Variants in ELF2 observed in about 807,000 individuals in gnomAD.
The protein encoded by ELF2 is E74 like ETS transcription factor 2, also known as ETS-related transcription factor Elf-2.
A neutral mutation model predicts 54.8 loss-of-function variants in ELF2; 11 were observed. The observed-to-expected ratio is 0.20, with a 90% CI of 0.13 to 0.33. The LOEUF (loss-of-function observed/expected upper bound fraction) is 0.33, where lower values mean the gene tolerates loss of function less well. ELF2 is among the 10% of genes least tolerant of loss of function. The probability of loss-of-function intolerance (pLI) is 1.00; values close to 1 mark genes in which losing one functional copy is unlikely to be tolerated. For synonymous variants in ELF2, 203 were observed against 245.1 expected (o/e 0.83, Z 1.61); for missense variants, 513 against 703.0 (o/e 0.73, Z 3.06).
At chr4:139,095,261 T>C (rs1386125724) in intron 4 of ELF2, among the ~76,000 whole-genome samples, 1 of 151,718 alleles carries the variant, frequency 6.6e-6, no homozygotes, top group Non-Finnish European at 1.5e-5. Context: ...CTCAGCTCAC[T>C]GCAACCTCCA....
At chr4:139,173,811 G>A (rs563313873) in intron 1 of ELF2, among the ~76,000 whole-genome samples, 1 of 150,754 alleles carries the variant, frequency 6.6e-6, no homozygotes, top group Admixed American at 6.6e-5. Flanking sequence ...AAAAGGATCA[G>A]GTGCAGTGGC....
intron 1 of ELF2, among the ~76,000 whole-genome samples, chr4:139,163,469 A>G (rs1038543573): frequency 1.3e-5 from 2 of 152,202 alleles, no homozygotes; most frequent in African/African-American, 4.8e-5. Context: ...TTTCACAATG[A>G]TAAGGAAAAA....
At chr4:139,065,104 T>C (rs947192170) in intron 7 of ELF2, among the ~76,000 whole-genome samples, 11 of 152,204 alleles carry the variant, frequency 7.2e-5, no homozygotes, top group African/African-American at 2.2e-4. Flanking sequence ...TTGTATAACA[T>C]AGACAATGCC....
intron 3 of ELF2, among the ~76,000 whole-genome samples, chr4:139,126,983 C>A (rs1410165757): frequency 2.0e-5 from 3 of 152,138 alleles, no homozygotes; most frequent in African/African-American, 4.8e-5. Context: ...GGCAACCAGT[C>A]CAAAATATAG....
At position 139,067,775 on chromosome 4, in the gene ELF2, A is replaced by G; in HGVS notation, c.527-5T>C. 6.3e-7 allele frequency: 1 copy of G among 1,576,382 alleles called. No individual in the cohort carries two copies. Among genetic ancestry groups the G allele is most frequent in the Non-Finnish European group, 8.6e-7 (1 of 1,156,422 alleles). ...GGGTCTTTGGTTTACGGCCAACTGAAAAAATAAGATATTGAAACCATACGT... is the reference window on the plus strand; with the variant it reads ...GGGTCTTTGGTTTACGGCCAACTGAGAAAATAAGATATTGAAACCATACGT... On this transcript the variant is annotated splice_polypyrimidine_tract_variant and splice_region_variant and intron_variant, in intron 6 of 9. Coordinates refer to ENST00000686138, the MANE Select transcript of ELF2 (RefSeq NM_001331036.3).
At chr4:139,121,330 G>C (rs112411777) in intron 4 of ELF2, among the ~76,000 whole-genome samples, 2,322 of 151,230 alleles carry the variant, frequency 0.015, 57 homozygotes, top group African/African-American at 0.052. Flanking sequence ...GGATGGTCTC[G>C]ATCTCCTGAC....
intron 3 of ELF2, among the ~76,000 whole-genome samples, chr4:139,132,278 T>C (rs1269266619): frequency 1.3e-5 from 2 of 152,240 alleles, no homozygotes; most frequent in Non-Finnish European, 2.9e-5. Flanking sequence ...AATATAAAAC[T>C]TGTGGAAGAA....
In ELF2 at chr4:139,059,220, C is replaced by T. The variant is rs1727454234; in HGVS notation, c.1545G>A (p.Gln515=). Residue 515 remains glutamine (Q), a synonymous_variant, in exon 10 of 10, where the codon CAG becomes CAA. Coordinates refer to ENST00000686138, the MANE Select transcript of ELF2 (RefSeq NM_001331036.3). ...GAGGAGGAGTCTGGCCAGATGCCTG[C>T]TGAGTAGGCATTGATAGTCTCATTA... ...TPVMRLSMPT[Q]QASGQTPPRV... is the part of the protein sequence containing the mutation. The T allele has an allele frequency of 6.2e-7, 1 of 1,613,800 alleles. No homozygotes were observed. Among genetic ancestry groups the T allele is most frequent in the Admixed American group, 1.7e-5 (1 of 59,982 alleles).
At position 139,085,225 on chromosome 4, in the gene ELF2, TGAC is replaced by T. The variant is rs528359567; in HGVS notation, c.239-11661_239-11659del. Reference sequence around the variant, plus strand: ...AACACAGGAAATCAAACCAATATAATGACGAATAACGCTTCATTAAAATGCTTC... The same window carrying T: ...AACACAGGAAATCAAACCAATATAATGAATAACGCTTCATTAAAATGCTTC... On this transcript the variant is annotated intron_variant, in intron 4 of 9. Coordinates refer to ENST00000686138, the MANE Select transcript of ELF2 (RefSeq NM_001331036.3). 2.6e-3 allele frequency among the ~76,000 whole-genome samples: 398 copies of T among 152,328 alleles called. 1 individual carries two copies. Among genetic ancestry groups the T allele is most frequent in the African/African-American group, 9.1e-3 (378 of 41,572 alleles).
intron 1 of ELF2, among the ~76,000 whole-genome samples, chr4:139,140,482 G>A (rs148644876): frequency 1.3e-5 from 2 of 152,308 alleles, no homozygotes; most frequent in African/African-American, 4.8e-5. Context: ...GGCTGGGCAA[G>A]GTGGCTCAGG....
intron 6 of ELF2, among the ~76,000 whole-genome samples, chr4:139,068,211 G>A (rs1009245862): frequency 7.2e-5 from 11 of 152,060 alleles, no homozygotes; most frequent in Admixed American, 1.3e-4. Context: ...TAGTAGAGAC[G>A]GGGTTTCACC....
chr4:139,092,414 T>TAACATAACAAAACAAACATAACATA (rs70940488), intron 4 of ELF2, among the ~76,000 whole-genome samples: 2 of 87,762 alleles, frequency 2.3e-5, no homozygotes, highest in African/African-American at 8.6e-5. Flanking sequence ...TAACATAACA[T>TAACATAACAAAACAAACATAACATA]ACATAACATA....
chr4:139,066,009 C>CTTTTTTTTTTTT (rs372715360), intron 7 of ELF2: 2 of 105,710 alleles, frequency 1.9e-5, no homozygotes, highest in African/African-American at 7.3e-5. Flanking sequence ...TCAATGTCAC[C>CTTTTTTTTTTTT]TTTTTTTTTT....
chr4:139,073,331 T>C (rs548633801), intron 5 of ELF2, 123 bp downstream of exon 5: 119 of 511,244 alleles, frequency 2.3e-4, no homozygotes, highest in African/African-American at 1.9e-3. Flanking sequence ...CTGTCATGTA[T>C]TCATGTGTAA....
intron 4 of ELF2, among the ~76,000 whole-genome samples, chr4:139,112,686 CTG>C (rs1364504307): frequency 6.6e-6 from 1 of 152,072 alleles, no homozygotes; most frequent in Non-Finnish European, 1.5e-5. Flanking sequence ...TTTAGATACA[CTG>C]TTGTATAGCA....
intron 1 of ELF2, among the ~76,000 whole-genome samples, chr4:139,147,189 A>C (rs1014195145): frequency 6.6e-6 from 1 of 152,218 alleles, no homozygotes; most frequent in Non-Finnish European, 1.5e-5. Flanking sequence ...ACAAATCAGC[A>C]AGAAAAAAAA....
In ELF2 at chr4:139,070,416, G is replaced by A. The variant is rs912834278; in HGVS notation, c.526+1450C>T. On this transcript the variant is annotated intron_variant, in intron 6 of 9. Transcript: ENST00000686138. ...AGCGATTCTCCTGCCTCAGCCTCCC[G>A]AAAAGCTGGGACTACAGGCATGCAA... is the stretch of plus-strand genomic sequence containing the variant. Among the ~76,000 whole-genome samples, 35 of 151,758 alleles carry A rather than the reference G, an allele frequency of 2.3e-4. 1 individual carries two copies. The highest frequency in any genetic ancestry group is 1.3e-3 in the Admixed American group (20 of 15,208).
chr4:139,064,929 T>C (rs1578668915), intron 7 of ELF2, among the ~76,000 whole-genome samples: 1 of 152,252 alleles, frequency 6.6e-6, no homozygotes, highest in Non-Finnish European at 1.5e-5. Flanking sequence ...CTTTTAACTT[T>C]ACAAAGTTAC....
At chr4:139,064,356 A>G (rs1321104644) in intron 7 of ELF2, among the ~76,000 whole-genome samples, 7 of 152,212 alleles carry the variant, frequency 4.6e-5, no homozygotes, top group African/African-American at 1.7e-4. Flanking sequence ...CGAAAAAGAT[A>G]GGTCATCTGT....
Sources: gnomAD v4.1 joint callset for allele counts (sites outside exome capture counted in the v4.1 genomes callset) on GRCh38, gnomAD v4.1.1 for gene constraint, MANE v1.5 for transcripts, NCBI Gene and HGNC (gene_info 2026-07-23, HGNC 2026-07-21) for gene names.